Variants in PC observed in about 807,000 individuals in gnomAD.
The protein encoded by PC is pyruvate carboxylase, mitochondrial.
A neutral mutation model predicts 107.8 loss-of-function variants in PC; 46 were observed. The ratio of observed to expected loss-of-function variants is 0.43; its 90% CI spans 0.34 to 0.55. PC has a LOEUF of 0.55. PC is among the 20% of genes least tolerant of loss of function. The pLI is 0.04. For synonymous variants in PC, 662 were observed against 684.7 expected, an observed-to-expected ratio of 0.97 and a Z score of 0.52; for missense variants, 1,241 against 1,643.1, an observed-to-expected ratio of 0.76 and a Z score of 4.23.
chr11:66,910,948 T>C (rs1330323932), intron 3 of PC, among the ~76,000 whole-genome samples: 1 of 152,240 alleles, frequency 6.6e-6, no homozygotes, highest in African/African-American at 2.4e-5. Flanking sequence ...TAAGTCGCTC[T>C]TCAACTTGGG....
At position 66,870,347 on chromosome 11, in the gene PC, C is replaced by G; in HGVS notation, c.858G>C (p.Gln286His). ...EIAPAAHLDP[Q>H]LRTRLTSDSV... is the part of the protein sequence containing the mutation. ...AGTCGCTGGTGAGCCGAGTCCGAAG[C>G]TGCGGGTCCAGGTGGGCGGCGGGGG... is the stretch of plus-strand genomic sequence containing the variant. The change falls in exon 9 of 23, where the codon CAG (glutamine) becomes CAC (histidine). Residue 286 changes from glutamine to histidine, a missense_variant. Transcript: ENST00000393960. The surrounding 1 kb of genome is among the most constrained non-coding windows in gnomAD (Gnocchi z 6.1). 1 of 1,613,728 alleles carries G rather than the reference C, an allele frequency of 6.2e-7. No individual in the cohort carries two copies.
chr11:66,859,980 A>C (rs1221210384), intron 12 of PC: 1 of 1,600,576 alleles, frequency 6.2e-7, no homozygotes, highest in East Asian at 2.2e-5. Context: ...TGGAGGCCCC[A>C]GCCCCACACC....
At chr11:66,933,431 G>T (rs1365773594) in intron 3 of PC, among the ~76,000 whole-genome samples, 1 of 152,180 alleles carries the variant, frequency 6.6e-6, no homozygotes, top group Non-Finnish European at 1.5e-5. Context: ...AGGAAATGCT[G>T]AGTTGGGCTT....
chr11:66,908,226 C>A (rs2136064355), intron 3 of PC, among the ~76,000 whole-genome samples: 1 of 152,258 alleles, frequency 6.6e-6, no homozygotes, highest in South Asian at 2.1e-4. Flanking sequence ...AGGAAAGGAG[C>A]AGAAGATTCA....
At chr11:66,854,979 T>C (rs1158969535) in intron 12 of PC, among the ~76,000 whole-genome samples, 1 of 152,074 alleles carries the variant, frequency 6.6e-6, no homozygotes, top group African/African-American at 2.4e-5. Context: ...GAAGGACCCT[T>C]GGAGGCCTTC....
Position 66,886,571 on chromosome 11 carries a change from C to T in PC, c.1-14412G>A, listed in dbSNP as rs540355551. Among the ~76,000 whole-genome samples the T allele has an allele frequency of 6.8e-4, 103 of 152,136 alleles. No homozygotes were observed. In the South Asian group the frequency reaches 0.012, roughly 17 times the overall value. On this transcript the variant is annotated intron_variant, in intron 3 of 22. Coordinates refer to ENST00000393960, the MANE Select transcript of PC (RefSeq NM_001040716.2). Reference sequence around the variant, plus strand: ...CAAGAGACAATGAGGACCTGAACCACGGTGGTGGGAATAGGAATGAAGAGG... The same window carrying T: ...CAAGAGACAATGAGGACCTGAACCATGGTGGTGGGAATAGGAATGAAGAGG...
chr11:66,880,036 A>G (rs1393988547), intron 3 of PC, among the ~76,000 whole-genome samples: 3 of 152,194 alleles, frequency 2.0e-5, no homozygotes, highest in Non-Finnish European at 1.5e-5. Flanking sequence ...TGACCCGCAC[A>G]CAATGCCAGG....
chr11:66,954,457 C>T (rs1200990781), intron 1 of PC, 21 bp from the exon 2 acceptor site: 3 of 152,332 alleles, frequency 2.0e-5, no homozygotes, highest in Non-Finnish European at 4.4e-5. Context: ...GAGAGGAAGG[C>T]ACGGTCAGTC....
intron 19 of PC, 41 bp from the exon 20 acceptor site, chr11:66,850,157 A>C (rs1945389023): frequency 6.2e-7 from 1 of 1,613,812 alleles, no homozygotes; most frequent in Non-Finnish European, 8.5e-7. Context: ...CAGGCACCTC[A>C]AGGAGGCCAG....
chr11:66,866,459 T>A lies in PC; in HGVS notation c.1023-110A>T. The A allele has an allele frequency of 2.5e-6, 2 of 793,202 alleles. No homozygotes were observed. Among genetic ancestry groups the A allele is most frequent in the South Asian group, 3.3e-5 (2 of 61,486 alleles). The allele number at this position is 793,202 out of a possible 1,614,324, so 49.1% of individuals were successfully genotyped here. On this transcript the variant is annotated intron_variant, in intron 10 of 22. Coordinates refer to ENST00000393960, the MANE Select transcript of PC (RefSeq NM_001040716.2). The surrounding 1 kb of genome is among the most constrained non-coding windows in gnomAD (Gnocchi z 5.4). The stretch of plus-strand genomic sequence containing the variant: ...GTGGGGCGTCCACACACAGTGCGAC[T>A]CCTGCCCATAGGCTCTGGGCCAGCC...
intron 18 of PC, 39 bp downstream of exon 18, chr11:66,850,635 T>C: frequency 6.2e-7 from 1 of 1,603,430 alleles, no homozygotes; most frequent in Admixed American, 1.7e-5. Context: ...TGGCTGCGGC[T>C]TTGAGAGGGG....
Position 66,858,179 on chromosome 11 carries a change from G to T in PC, c.1369-4796C>A, listed in dbSNP as rs1419024400. 2.5e-6 allele frequency: 4 copies of T among 1,611,578 alleles called. No individual in the cohort carries two copies. The highest frequency in any genetic ancestry group is 1.7e-5 in the Admixed American group (1 of 59,988). Reference sequence around the variant, plus strand: ...CGGGAGCCTTCGACGACTTCCTAGAGAGCCTGGAGGACCTGGACCTGTCCT... The same window carrying T: ...CGGGAGCCTTCGACGACTTCCTAGATAGCCTGGAGGACCTGGACCTGTCCT... On this transcript the variant is annotated intron_variant, in intron 12 of 22. Transcript: ENST00000393960. This position sits in a 1 kb window ranked among gnomAD's most constrained non-coding sequence, Gnocchi z 5.9.
rs538706456 is a variant in PC at position 66,850,011 on chromosome 11, G to A, written c.2824C>T (p.Arg942Cys). ...CCCTGCAGGAACTCCACCACGGAGCGGGGAAAGGACAGCTCTTCCGCCTGA... is the reference window on the plus strand; with the variant it reads ...CCCTGCAGGAACTCCACCACGGAGCAGGGAAAGGACAGCTCTTCCGCCTGA... ...EAQAEELSFP[R>C]SVVEFLQGYI... Residue 942 changes from arginine (R) to cysteine (C), a missense_variant, in exon 20 of 23, where the codon CGC (arginine) becomes TGC (cysteine). Around this residue, in one of 2 missense-constraint regions of PC, gnomAD observed 1,143 missense variants for 1,551.9 expected, o/e 0.74. Transcript: ENST00000393960. 2.0e-5 allele frequency: 33 copies of A among 1,613,668 alleles called. No homozygotes were observed. Among genetic ancestry groups the A allele is most frequent in the East Asian group, 4.5e-5 (2 of 44,880 alleles).
chr11:66,890,576 G>C (rs1412194972), intron 3 of PC, among the ~76,000 whole-genome samples: 91 of 149,298 alleles, frequency 6.1e-4, no homozygotes, highest in African/African-American at 2.0e-3. Context: ...TCTTGGCTCA[G>C]TGCAACCTCT....
chr11:66,876,540 C>T (rs1400761125), intron 3 of PC, among the ~76,000 whole-genome samples: 1 of 152,196 alleles, frequency 6.6e-6, no homozygotes, highest in Admixed American at 6.5e-5. Flanking sequence ...TCAAGAGGTG[C>T]CGGGAGCACC....
Position 66,863,785 on chromosome 11 carries a change from G to C in PC, c.1357C>G (p.Arg453Gly), listed in dbSNP as rs768514713. The change falls in exon 12 of 23, where the codon CGA becomes GGA. Residue 453 changes from arginine (R) to glycine (G), a missense_variant. Physicochemically the swap from Arg to Gly is moderately radical, Grantham distance 125 (BLOSUM62 -2). Around this residue, in one of 2 missense-constraint regions of PC, gnomAD observed 1,143 missense variants for 1,551.9 expected, o/e 0.74. Coordinates refer to ENST00000393960, the MANE Select transcript of PC (RefSeq NM_001040716.2). ...MSRALAEFRV[R>G]GVKTNIAFLQ... Reference sequence around the variant, plus strand: ...CTGCAGCCTCTCACCTTCACACCTCGGACGCGGAACTCCGCAAGGGCCCTG... The same window carrying C: ...CTGCAGCCTCTCACCTTCACACCTCCGACGCGGAACTCCGCAAGGGCCCTG... The C allele has an allele frequency of 6.2e-7, 1 of 1,611,120 alleles. No individual in the cohort carries two copies. Among genetic ancestry groups the C allele is most frequent in the Non-Finnish European group, 8.5e-7 (1 of 1,179,076 alleles).
At chr11:66,914,564 G>T (rs1207070319) in intron 3 of PC, among the ~76,000 whole-genome samples, 1 of 151,890 alleles carries the variant, frequency 6.6e-6, no homozygotes, top group East Asian at 1.9e-4. Flanking sequence ...TTGAGGGAAG[G>T]ACTGAGTCTG....
At chr11:66,957,189 T>C (rs1385035612) in intron 1 of PC, among the ~76,000 whole-genome samples, 2 of 151,976 alleles carry the variant, frequency 1.3e-5, no homozygotes, top group Non-Finnish European at 2.9e-5. Context: ...ACGGGAGCAA[T>C]AGGGAGGCAG....
chr11:66,924,047 C>G (rs931675934), intron 3 of PC, among the ~76,000 whole-genome samples: 1 of 151,066 alleles, frequency 6.6e-6, no homozygotes, highest in African/African-American at 2.4e-5. Context: ...TACTAAAATA[C>G]AAAAATTAGC....
Sources: allele counts gnomAD v4.1 joint callset (sites outside exome capture counted in the v4.1 genomes callset), GRCh38; gene constraint gnomAD v4.1.1; regional missense constraint gnomAD v4.1.1; non-coding constraint Gnocchi (gnomAD v3.1); transcripts MANE v1.5; gene names NCBI Gene and HGNC (gene_info 2026-07-23, HGNC 2026-07-21).